Variants in BARHL1 observed in about 807,000 individuals in gnomAD.
The protein encoded by BARHL1 is BarH like homeobox 1.
A neutral mutation model predicts 20.1 loss-of-function variants in BARHL1; 2 were observed. That is an observed-to-expected ratio of 0.10 (90% CI 0.04 to 0.31). The LOEUF (loss-of-function observed/expected upper bound fraction) is 0.31, where lower values mean the gene tolerates loss of function less well. Among genes scored for constraint, BARHL1 ranks in the 10% least tolerant of loss-of-function variants. The probability of loss-of-function intolerance (pLI) is 1.00; values close to 1 mark genes in which losing one functional copy is unlikely to be tolerated. For missense variants in BARHL1, 397 were observed against 454.0 expected (o/e 0.87, Z 1.14); for synonymous variants, 213 against 209.9 (o/e 1.01, Z -0.13).
chr9:132,583,356 C>A, intron 1 of BARHL1, 93 bp downstream of exon 1: 2 of 1,149,692 alleles, frequency 1.7e-6, no homozygotes, highest in Non-Finnish European at 1.2e-6. Flanking sequence ...TGCACTCGCT[C>A]ACCTGGGGGC....
chr9:132,586,488 T>C (rs1331658406), intron 1 of BARHL1, among the ~76,000 whole-genome samples: 1 of 152,256 alleles, frequency 6.6e-6, no homozygotes, highest in Non-Finnish European at 1.5e-5. Context: ...AGGTCTATCC[T>C]TCGACCTCAG....
At chr9:132,584,699 G>A (rs1334703828) in intron 1 of BARHL1, among the ~76,000 whole-genome samples, 2 of 152,168 alleles carry the variant, frequency 1.3e-5, no homozygotes, top group Non-Finnish European at 2.9e-5. Flanking sequence ...AGGCTGTGCC[G>A]ACCATGCCTG....
At position 132,587,599 on chromosome 9, in the gene BARHL1, C is replaced by T. The variant is rs1051392958; in HGVS notation, c.689+48C>T. The T allele has an allele frequency of 6.6e-7, 1 of 1,521,396 alleles. No individual in the cohort carries two copies. Among genetic ancestry groups the T allele is most frequent in the Non-Finnish European group, 8.9e-7 (1 of 1,119,822 alleles). The allele number at this position is 1,521,396 out of a possible 1,614,324, so 94.2% of individuals were successfully genotyped here. ...GAGGCAGAAAGGGAACTTCCCCTTT[C>T]CTCACAGCTCCTGGAGGGGACCAGG... On this transcript the variant is annotated intron_variant, in intron 2 of 2. Transcript: ENST00000263610. The surrounding 1 kb of genome is among the most constrained non-coding windows in gnomAD (Gnocchi z 5.5).
At position 132,589,624 on chromosome 9, in the gene BARHL1, C is replaced by T; in HGVS notation, c.*102C>T. On this transcript the variant is annotated 3_prime_UTR_variant, in exon 3 of 3. Coordinates refer to ENST00000263610, the MANE Select transcript of BARHL1 (RefSeq NM_020064.4). ...TCGACGCCCTTTCCCGGGAGGGGGCCCTGCCCGGCCCTCCCTGGCGCCCCA... is the reference window on the plus strand; with the variant it reads ...TCGACGCCCTTTCCCGGGAGGGGGCTCTGCCCGGCCCTCCCTGGCGCCCCA... 8.2e-7 allele frequency: 1 copy of T among 1,224,052 alleles called. No homozygotes were observed. The highest frequency in any genetic ancestry group is 1.6e-5 in the African/African-American group (1 of 63,278). 75.8% of individuals were successfully genotyped at this position (1,224,052 alleles called of 1,614,324 possible).
chr9:132,582,678 G>A lies in BARHL1; in HGVS notation c.-120G>A, dbSNP rs1170710490. On this transcript the variant is annotated 5_prime_UTR_variant, in exon 1 of 3. In the 5' UTR this introduces an upstream ATG that the reference lacks. Coordinates refer to ENST00000263610, the MANE Select transcript of BARHL1 (RefSeq NM_020064.4). ...CCCCCAAGGCTGAACTCCGTCCAAG[G>A]TGCCCGCAGGCTCCCTGCCCGCCTT... The A allele has an allele frequency of 2.2e-6, 2 of 913,480 alleles. No individual in the cohort carries two copies. Among genetic ancestry groups the A allele is most frequent in the African/African-American group, 1.7e-5 (1 of 59,662 alleles). The allele number at this position is 913,480 out of a possible 1,614,324, so 56.6% of individuals were successfully genotyped here. A position where few individuals can be genotyped will look rare whatever the true frequency, so the allele number is the denominator to read the frequency against.
Position 132,587,566 on chromosome 9 carries a change from C to A in BARHL1, c.689+15C>A. Reference sequence around the variant, plus strand: ...CAGAACCGCAGGTGAGGCCTGGCTGCGGGGGTAGAGGCAGAAAGGGAACTT... The same window carrying A: ...CAGAACCGCAGGTGAGGCCTGGCTGAGGGGGTAGAGGCAGAAAGGGAACTT... On this transcript the variant is annotated intron_variant, in intron 2 of 2. Transcript: ENST00000263610. The surrounding 1 kb of genome is among the most constrained non-coding windows in gnomAD (Gnocchi z 5.5). 1.3e-6 allele frequency: 2 copies of A among 1,596,650 alleles called. No homozygotes were observed. The highest frequency in any genetic ancestry group is 1.1e-5 in the South Asian group (1 of 88,810).
intron 1 of BARHL1, among the ~76,000 whole-genome samples, chr9:132,585,405 G>A (rs891890713): frequency 1.3e-5 from 2 of 152,190 alleles, no homozygotes; most frequent in Admixed American, 6.5e-5. Context: ...CCTCCAAGGA[G>A]GGCATGGGGG....
intron 1 of BARHL1, among the ~76,000 whole-genome samples, chr9:132,584,952 TTTAG>T: frequency 6.6e-6 from 1 of 152,222 alleles, no homozygotes; most frequent in East Asian, 1.9e-4. Context: ...ACGGCCCCGC[TTTAG>T]TTAGAGCAAA....
In BARHL1 at chr9:132,589,517, C is replaced by T. The variant is rs1360417564; in HGVS notation, c.979C>T (p.Arg327Trp). 9.0e-6 allele frequency: 12 copies of T among 1,327,874 alleles called. No homozygotes were observed. Among genetic ancestry groups the T allele is most frequent in the Non-Finnish European group, 1.1e-5 (11 of 1,042,900 alleles). 82.3% of individuals were successfully genotyped at this position (1,327,874 alleles called of 1,614,324 possible). The part of the protein sequence containing the change: ...AGVLPRAAQP[R>W] Reference sequence around the variant, plus strand: ...CGTCCTCCCACGCGCCGCGCAGCCTCGGTGAGGCGCCCGTCGGCTCCGGGG... The same window carrying T: ...CGTCCTCCCACGCGCCGCGCAGCCTTGGTGAGGCGCCCGTCGGCTCCGGGG... Residue 327 changes from arginine (R) to tryptophan (W), a missense_variant, in exon 3 of 3, where the codon CGG (arginine) becomes TGG (tryptophan). Physicochemically the swap from Arg to Trp is moderately radical, Grantham distance 101. Transcript: ENST00000263610.
chr9:132,587,338 A>G lies in BARHL1; in HGVS notation c.476A>G (p.Glu159Gly), dbSNP rs1830154773. 6.2e-7 allele frequency: 1 copy of G among 1,603,544 alleles called. No individual in the cohort carries two copies. The highest frequency in any genetic ancestry group is 1.7e-5 in the Admixed American group (1 of 59,152). Reference protein sequence around the residue: ...SSDSEYKVKEEGDREISSSRD... With the variant: ...SSDSEYKVKEGGDREISSSRD... Reference sequence around the variant, plus strand: ...GCCGCTGTGTCCGCAGTGAAGGAGGAGGGCGACCGCGAGATCTCCAGCTCC... The same window carrying G: ...GCCGCTGTGTCCGCAGTGAAGGAGGGGGGCGACCGCGAGATCTCCAGCTCC... The change falls in exon 2 of 3, where the codon GAG becomes GGG. Residue 159 changes from glutamate to glycine, a missense_variant. Around this residue, in one of 3 missense-constraint regions of BARHL1, gnomAD observed 272 missense variants for 298.7 expected, o/e 0.91. Transcript: ENST00000263610. The surrounding 1 kb of genome is among the most constrained non-coding windows in gnomAD (Gnocchi z 5.5).
intron 1 of BARHL1, among the ~76,000 whole-genome samples, chr9:132,585,048 C>A (rs1830123695): frequency 6.6e-6 from 1 of 152,220 alleles, no homozygotes; most frequent in South Asian, 2.1e-4. Context: ...TATTTGCCCC[C>A]AGGAAGGATT....
intron 1 of BARHL1, among the ~76,000 whole-genome samples, chr9:132,584,202 A>G (rs1830113966): frequency 6.6e-6 from 1 of 152,080 alleles, no homozygotes; most frequent in African/African-American, 2.4e-5. Context: ...AGAATTCCCT[A>G]ATTTTGTTTC....
At position 132,589,490 on chromosome 9, in the gene BARHL1, G is replaced by A. The variant is rs747608103; in HGVS notation, c.952G>A (p.Gly318Ser). Residue 318 changes from glycine (G) to serine (S), a missense_variant, in exon 3 of 3, where the codon GGC (glycine) becomes AGC (serine). Physicochemically the swap from Gly to Ser is moderately conservative, Grantham distance 56 (BLOSUM62 0). This residue lies in a region of BARHL1 where 121 missense variants were observed against 135.9 expected (regional missense o/e 0.89). Coordinates refer to ENST00000263610, the MANE Select transcript of BARHL1 (RefSeq NM_020064.4). ...EPPPPLPPLA[G>S]VLPRAAQPR is the part of the protein sequence containing the mutation. ...GCCCCCGCCGCTGCCCCCCCTGGCC[G>A]GCGTCCTCCCACGCGCCGCGCAGCC... 1 of 1,453,984 alleles carries A rather than the reference G, an allele frequency of 6.9e-7. No homozygotes were observed. The highest frequency in any genetic ancestry group is 9.0e-7 in the Non-Finnish European group (1 of 1,106,452). The allele number at this position is 1,453,984 out of a possible 1,614,324, so 90.1% of individuals were successfully genotyped here.
intron 1 of BARHL1, among the ~76,000 whole-genome samples, chr9:132,586,727 A>C (rs549469358): frequency 2.9e-4 from 44 of 152,210 alleles, no homozygotes; most frequent in African/African-American, 1.0e-3. Flanking sequence ...GTAGGTAGCG[A>C]GTGTCGGGAG....
At chr9:132,586,294 G>T (rs1434735749) in intron 1 of BARHL1, among the ~76,000 whole-genome samples, 6 of 152,180 alleles carry the variant, frequency 3.9e-5, no homozygotes, top group Admixed American at 3.9e-4. Flanking sequence ...AGAAAACAGA[G>T]AAAAAAGGGA....
chr9:132,582,884 C>T lies in BARHL1; in HGVS notation c.87C>T (p.Leu29=), dbSNP rs772421372. The stretch of plus-strand genomic sequence containing the variant: ...CCCTTCCCAAGGGGGACCCCTTGCT[C>T]GGGGACTGCCGTTCGCCCCTGGAGC... ...SPALPKGDPL[L]GDCRSPLELS... Residue 29 remains leucine, a synonymous_variant, in exon 1 of 3, where the codon CTC becomes CTT. Transcript: ENST00000263610. The T allele has an allele frequency of 2.0e-5, 33 of 1,613,110 alleles. No individual in the cohort carries two copies. In the South Asian group the frequency reaches 2.2e-4, roughly 11 times the overall value.
rs759331372 is a variant in BARHL1 at position 132,583,136 on chromosome 9, C to T, written c.339C>T (p.Pro113=). The T allele has an allele frequency of 3.0e-5, 48 of 1,613,650 alleles. No individual in the cohort carries two copies. The highest frequency in any genetic ancestry group is 3.9e-5 in the Non-Finnish European group (46 of 1,179,980). Residue 113 remains proline, a synonymous_variant, in exon 1 of 3, where the codon CCC becomes CCT. Transcript: ENST00000263610. ...GCAAACCACTCGCGGCCTGTGCACC[C>T]TACTCTAGCAGCGGGCAGCCGGCAG... is the stretch of plus-strand genomic sequence containing the variant. ...ADCKPLAACA[P]YSSSGQPAAP...
rs1356639709 is a variant in BARHL1 at position 132,582,749 on chromosome 9, G to A, written c.-49G>A. On this transcript the variant is annotated 5_prime_UTR_variant, in exon 1 of 3. Transcript: ENST00000263610. ...AGGGGCAGGGGCAGCGGCGGCTGGG[G>A]TTGGGGGTGGGTGGGGAGCTTTTGG... The A allele has an allele frequency of 1.3e-6, 2 of 1,495,824 alleles. No homozygotes were observed. Among genetic ancestry groups the A allele is most frequent in the African/African-American group, 1.4e-5 (1 of 72,310 alleles). The allele number at this position is 1,495,824 out of a possible 1,614,324, so 92.7% of individuals were successfully genotyped here.
At chr9:132,586,814 A>G (rs1307676490) in intron 1 of BARHL1, among the ~76,000 whole-genome samples, 1 of 152,232 alleles carries the variant, frequency 6.6e-6, no homozygotes, top group Admixed American at 6.5e-5. Flanking sequence ...GAGGACAAAG[A>G]GTGATTCCGG....
Sources: allele counts gnomAD v4.1 joint callset (sites outside exome capture counted in the v4.1 genomes callset), GRCh38; gene constraint gnomAD v4.1.1; regional missense constraint gnomAD v4.1.1; non-coding constraint Gnocchi (gnomAD v3.1); transcripts MANE v1.5; gene names NCBI Gene and HGNC (gene_info 2026-07-23, HGNC 2026-07-21).